Variants in JMJD1C observed in about 807,000 individuals in gnomAD.
JMJD1C encodes the protein jumonji domain-containing protein 1C.
Under a neutral mutation model 245.3 loss-of-function variants are expected in JMJD1C, and 31 were observed. That is an observed-to-expected ratio of 0.13 (90% CI 0.09 to 0.17). JMJD1C has a LOEUF of 0.17. Among genes scored for constraint, JMJD1C ranks in the 10% least tolerant of loss-of-function variants. The pLI is 1.00. For missense variants in JMJD1C, 2,691 were observed against 3,000.2 expected (o/e 0.90, Z 2.41); for synonymous variants, 1,057 against 1,017.4 (o/e 1.04, Z -0.74).
Position 63,338,926 on chromosome 10 carries a change from G to A in JMJD1C, c.333+41392C>T, listed in dbSNP as rs141300113. On this transcript the variant is annotated intron_variant, in intron 2 of 25. Transcript: ENST00000399262. ...AGCCTCCCAAAGTGCTGGGATTACA[G>A]GTGTCGTGAGCCACTGCACCCAGCC... 7.9e-4 allele frequency among the ~76,000 whole-genome samples: 120 copies of A among 152,198 alleles called. No individual in the cohort carries two copies. In the Middle Eastern group the frequency reaches 0.024, roughly 30 times the overall value.
chr10:63,171,485 C>T (rs74557321), intron 24 of JMJD1C, among the ~76,000 whole-genome samples: 5,347 of 152,296 alleles, frequency 0.035, 293 homozygotes, highest in East Asian at 0.26. Flanking sequence ...TCATTGCTGA[C>T]GGGCCAAAGA....
chr10:63,518,013 G>A (rs530309855), intron 1 of JMJD1C, among the ~76,000 whole-genome samples: 4 of 152,044 alleles, frequency 2.6e-5, no homozygotes, highest in Admixed American at 6.5e-5. Context: ...GGATGGCCTC[G>A]AACTCTTGGC....
At chr10:63,440,353 A>ATATATATAT (rs1554937971) in intron 1 of JMJD1C, among the ~76,000 whole-genome samples, 14 of 120,246 alleles carry the variant, frequency 1.2e-4, no homozygotes, top group African/African-American at 3.7e-4. Flanking sequence ...AAAAAAAAAA[A>ATATATATAT]ATATATATAT....
intron 1 of JMJD1C, among the ~76,000 whole-genome samples, chr10:63,402,852 G>A (rs1374926300): frequency 6.6e-6 from 1 of 152,022 alleles, no homozygotes; most frequent in Non-Finnish European, 1.5e-5. Context: ...GCATTCCAGG[G>A]TACTAGAATA....
intron 2 of JMJD1C, among the ~76,000 whole-genome samples, chr10:63,305,377 C>CACA (rs1937920635): frequency 1.8e-5 from 2 of 109,642 alleles, no homozygotes; most frequent in South Asian, 5.4e-4. Context: ...AAAAAAAAAA[C>CACA]AAAAAACAAA....
At chr10:63,489,131 G>A (rs1954088442) in intron 1 of JMJD1C, among the ~76,000 whole-genome samples, 1 of 152,202 alleles carries the variant, frequency 6.6e-6, no homozygotes, top group Non-Finnish European at 1.5e-5. Flanking sequence ...CGGGCGCAGT[G>A]GCTCACGCCT....
rs1232814245 is a variant in JMJD1C, at chr10:63,391,542, A to AAC, written c.169-11061_169-11060insGT. ...ACAACAACAACAACAACAACAACAA[A>AAC]AAAGACAATTCCATTTATAATACCT... is the stretch of plus-strand genomic sequence containing the variant. On this transcript the variant is annotated intron_variant, in intron 1 of 25. Transcript: ENST00000399262. 3.1e-4 allele frequency among the ~76,000 whole-genome samples: 43 copies of AAC among 138,344 alleles called. 1 individual carries two copies. The East Asian group carries it at 4.2e-3, about 13-fold the overall frequency. The allele number at this position is 138,344 out of a possible 152,430, so 90.8% of individuals were successfully genotyped here.
At chr10:63,444,777 C>T (rs914911819) in intron 1 of JMJD1C, among the ~76,000 whole-genome samples, 1 of 152,140 alleles carries the variant, frequency 6.6e-6, no homozygotes, top group East Asian at 1.9e-4. Flanking sequence ...AGGTGCCCAC[C>T]ACCACGCCCA....
At chr10:63,409,739 G>C (rs1428540069) in intron 1 of JMJD1C, among the ~76,000 whole-genome samples, 2 of 152,148 alleles carry the variant, frequency 1.3e-5, no homozygotes, top group Non-Finnish European at 2.9e-5. Flanking sequence ...GTATCTGTTT[G>C]TGGGAGACCA....
At chr10:63,238,538 T>A (rs892042177) in intron 3 of JMJD1C, among the ~76,000 whole-genome samples, 2 of 152,248 alleles carry the variant, frequency 1.3e-5, no homozygotes, top group East Asian at 3.8e-4. Flanking sequence ...TTTAAATTAA[T>A]ACTCATGGTT....
chr10:63,203,242 T>C, intron 10 of JMJD1C: 1 of 980,746 alleles, frequency 1.0e-6, no homozygotes, highest in Non-Finnish European at 1.2e-6. Context: ...TAAATAAAAC[T>C]TCATCCTTCA....
chr10:63,223,233 T>C (rs1282518027), intron 3 of JMJD1C, among the ~76,000 whole-genome samples: 1 of 148,354 alleles, frequency 6.7e-6, no homozygotes, highest in African/African-American at 2.5e-5. Context: ...TGTGCTGTTT[T>C]TTTTTTTTTT....
chr10:63,450,921 GAAA>G (rs71025179), intron 1 of JMJD1C, among the ~76,000 whole-genome samples: 1 of 137,504 alleles, frequency 7.3e-6, no homozygotes, highest in South Asian at 2.2e-4. Flanking sequence ...CACACACACA[GAAA>G]AAAAAAAAAA....
intron 1 of JMJD1C, among the ~76,000 whole-genome samples, chr10:63,457,070 A>G (rs1952461232): frequency 6.6e-6 from 1 of 152,186 alleles, no homozygotes; most frequent in Admixed American, 6.5e-5. Context: ...CTTATGAAAA[A>G]CTGCTCTTGT....
chr10:63,223,676 T>C (rs778826476), intron 3 of JMJD1C, among the ~76,000 whole-genome samples: 1 of 152,172 alleles, frequency 6.6e-6, no homozygotes, highest in African/African-American at 2.4e-5. Flanking sequence ...ATAAAACCAG[T>C]TGCCTATGTT....
chr10:63,429,607 C>T (rs902621230), intron 1 of JMJD1C, among the ~76,000 whole-genome samples: 3 of 152,082 alleles, frequency 2.0e-5, no homozygotes, highest in Non-Finnish European at 4.4e-5. Flanking sequence ...TTTAAAGTAG[C>T]CTGCAGGGAA....
At chr10:63,491,518 A>T (rs1432174143) in intron 1 of JMJD1C, among the ~76,000 whole-genome samples, 1 of 152,190 alleles carries the variant, frequency 6.6e-6, no homozygotes, top group Non-Finnish European at 1.5e-5. Flanking sequence ...TGTTTTAAAT[A>T]AAAAGAAAAT....
At chr10:63,425,336 A>T (rs1156679431) in intron 1 of JMJD1C, among the ~76,000 whole-genome samples, 1 of 152,204 alleles carries the variant, frequency 6.6e-6, no homozygotes. Flanking sequence ...GGTGAATTTT[A>T]AAACACAGTA....
rs989294916 is a variant in JMJD1C at position 63,399,782 on chromosome 10, T to C, written c.169-19300A>G. Among the ~76,000 whole-genome samples the C allele has an allele frequency of 2.1e-4, 32 of 152,134 alleles. No homozygotes were observed. The East Asian group carries it at 3.1e-3, about 15-fold the overall frequency. On this transcript the variant is annotated intron_variant, in intron 1 of 25. Coordinates refer to ENST00000399262, the MANE Select transcript of JMJD1C (RefSeq NM_032776.3). ...TGCTTTTCCTTTTAGGATTTTTTTTTTTAATGACAAAAACTTCTTTTGGGA... is the reference window on the plus strand; with the variant it reads ...TGCTTTTCCTTTTAGGATTTTTTTTCTTAATGACAAAAACTTCTTTTGGGA...
Sources: allele counts gnomAD v4.1 joint callset (sites outside exome capture counted in the v4.1 genomes callset), GRCh38; gene constraint gnomAD v4.1.1; transcripts MANE v1.5; gene names NCBI Gene and HGNC (gene_info 2026-07-23, HGNC 2026-07-21).